Variants in KLHL42 observed in about 807,000 individuals in gnomAD.
The protein encoded by KLHL42 is kelch like family member 42.
In KLHL42, 27 loss-of-function variants were observed where a neutral mutation model predicts 32.7. That is an observed-to-expected ratio of 0.83 (90% CI 0.61 to 1.14). KLHL42 has a LOEUF of 1.14. Ranked by LOEUF, KLHL42 falls within the 50% of genes most tolerant of loss-of-function variation. The probability of loss-of-function intolerance (pLI) is 0.00; values close to 1 mark genes in which losing one functional copy is unlikely to be tolerated. For synonymous variants in KLHL42, 267 were observed against 248.2 expected (o/e 1.08, Z -0.71); for missense variants, 491 against 560.8 (o/e 0.88, Z 1.26).
chr12:27,797,490 G>C, intron 2 of KLHL42: 4 of 588,780 alleles, frequency 6.8e-6, no homozygotes, highest in Non-Finnish European at 1.2e-5. Flanking sequence ...TATCCAGTCT[G>C]AGTCTCCCAC....
At position 27,797,717 on chromosome 12, in the gene KLHL42, C is replaced by A. The variant is rs779004279; in HGVS notation, c.1069C>A (p.Arg357=). 1.5e-6 allele frequency: 1 copy of A among 687,398 alleles called. No individual in the cohort carries two copies. Among genetic ancestry groups the A allele is most frequent in the Non-Finnish European group, 2.7e-6 (1 of 375,820 alleles). 42.6% of individuals were successfully genotyped at this position (687,398 alleles called of 1,614,324 possible). The change falls in exon 3 of 3, where the codon CGG becomes AGG. Residue 357 remains arginine, a splice_region_variant and synonymous_variant. Transcript: ENST00000381271. Reference sequence around the variant, plus strand: ...TCACTTGTCTTTCTTTCTTTCAGACCGGAACATGAACATTTTGCAGTACTG... The same window carrying A: ...TCACTTGTCTTTCTTTCTTTCAGACAGGAACATGAACATTTTGCAGTACTG... The part of the protein sequence containing the change: ...YVIGGYTTRD[R]NMNILQYCPS...
intron 1 of KLHL42, among the ~76,000 whole-genome samples, chr12:27,782,008 A>C (rs1307596358): frequency 6.6e-6 from 1 of 152,244 alleles, no homozygotes; most frequent in Non-Finnish European, 1.5e-5. Flanking sequence ...AGATGGTAGG[A>C]AATAAAGATG....
chr12:27,791,741 A>T lies in KLHL42; in HGVS notation c.906A>T (p.Lys302Asn). ...TCAAACTTGTGGCTGTTAATTCAAAACTCTATGCCATCGGAGGGCAGGCCG... is the reference window on the plus strand; with the variant it reads ...TCAAACTTGTGGCTGTTAATTCAAATCTCTATGCCATCGGAGGGCAGGCCG... ...SNFKLVAVNSKLYAIGGQAVS... is the reference protein window; with the variant it reads ...SNFKLVAVNSNLYAIGGQAVS... The change falls in exon 2 of 3, where the codon AAA becomes AAT. Residue 302 changes from lysine to asparagine, a missense_variant. Physicochemically the swap from Lys to Asn is moderately conservative, Grantham distance 94 (BLOSUM62 0). Around this residue, in one of 4 missense-constraint regions of KLHL42, gnomAD observed 248 missense variants for 329.2 expected, o/e 0.75. Coordinates refer to ENST00000381271, the MANE Select transcript of KLHL42 (RefSeq NM_020782.2). 2 of 1,613,710 alleles carry T rather than the reference A, an allele frequency of 1.2e-6. No individual in the cohort carries two copies. The highest frequency in any genetic ancestry group is 1.7e-6 in the Non-Finnish European group (2 of 1,179,924).
At chr12:27,787,015 G>A (rs2062175236) in intron 1 of KLHL42, among the ~76,000 whole-genome samples, 1 of 151,678 alleles carries the variant, frequency 6.6e-6, no homozygotes, top group East Asian at 2.0e-4. Flanking sequence ...ATGAGCCACC[G>A]CGCCCGGCCA....
intron 1 of KLHL42, among the ~76,000 whole-genome samples, chr12:27,789,922 T>C (rs2062188883): frequency 6.6e-6 from 1 of 152,208 alleles, no homozygotes; most frequent in South Asian, 2.1e-4. Flanking sequence ...CATTTAGATA[T>C]AAACATGATA....
intron 1 of KLHL42, among the ~76,000 whole-genome samples, chr12:27,786,847 C>T (rs1013296319): frequency 5.9e-5 from 9 of 151,538 alleles, no homozygotes; most frequent in East Asian, 2.0e-4. Context: ...CTCAGCCTCC[C>T]GAGTAGCTAG....
intron 1 of KLHL42, among the ~76,000 whole-genome samples, chr12:27,784,386 C>A (rs2062162936): frequency 1.3e-5 from 2 of 151,826 alleles, no homozygotes; most frequent in Admixed American, 1.3e-4. Flanking sequence ...CGTGATCCGC[C>A]CACCTAGGCT....
At chr12:27,796,636 ACT>A (rs1491278571) in intron 2 of KLHL42, among the ~76,000 whole-genome samples, 10 of 152,028 alleles carry the variant, frequency 6.6e-5, no homozygotes, top group Non-Finnish European at 1.3e-4. Flanking sequence ...AAAGAAAATT[ACT>A]TTTTTTTTTG....
chr12:27,792,585 G>C (rs4930973), intron 2 of KLHL42, among the ~76,000 whole-genome samples: 1 of 152,066 alleles, frequency 6.6e-6, no homozygotes, highest in Non-Finnish European at 1.5e-5. Flanking sequence ...GTGCAGTGGC[G>C]TGATCTCGGC....
At chr12:27,787,585 C>T (rs1301871015) in intron 1 of KLHL42, 1 of 151,946 alleles carries the variant, frequency 6.6e-6, no homozygotes, top group Admixed American at 6.6e-5. Flanking sequence ...ACTGTTGCAG[C>T]AGTTGGTTCA....
chr12:27,781,228 G>A (rs201189833), intron 1 of KLHL42, 26 bp downstream of exon 1: 213 of 1,609,474 alleles, frequency 1.3e-4, no homozygotes, highest in Non-Finnish European at 1.7e-4. Flanking sequence ...GAGTGCTGCT[G>A]CCTTCTCATT....
intron 2 of KLHL42, among the ~76,000 whole-genome samples, chr12:27,795,500 T>A (rs1260623313): frequency 6.6e-6 from 1 of 152,192 alleles, no homozygotes; most frequent in Non-Finnish European, 1.5e-5. Flanking sequence ...GGCCGAAAAC[T>A]AGTTTTCTAA....
intron 1 of KLHL42, among the ~76,000 whole-genome samples, chr12:27,782,200 A>G (rs2062152394): frequency 1.3e-5 from 2 of 152,238 alleles, no homozygotes; most frequent in Admixed American, 1.3e-4. Context: ...GAAAGTCTTA[A>G]CAGTAACAGA....
chr12:27,788,707 C>T (rs549001507), intron 1 of KLHL42, among the ~76,000 whole-genome samples: 1 of 152,160 alleles, frequency 6.6e-6, no homozygotes, highest in East Asian at 1.9e-4. Flanking sequence ...AAAAAGCTCT[C>T]CTTTTAAAAA....
chr12:27,784,216 G>C (rs1053598520), intron 1 of KLHL42, among the ~76,000 whole-genome samples: 2 of 148,718 alleles, frequency 1.3e-5, no homozygotes, highest in African/African-American at 5.0e-5. Context: ...CTCACTGCAA[G>C]CTCCGCCTCC....
intron 2 of KLHL42, among the ~76,000 whole-genome samples, chr12:27,795,636 A>AAAAAAG (rs3841546): frequency 6.6e-6 from 1 of 151,846 alleles, no homozygotes; most frequent in Non-Finnish European, 1.5e-5. Flanking sequence ...GAAAAAAAGA[A>AAAAAAG]AAAGTTAGTT....
Position 27,797,852 on chromosome 12 carries a change from G to A in KLHL42, c.1204G>A (p.Glu402Lys). ...TIYIVGGCLH[E>K]LGPNRRSSQS... ...CTACATCGTGGGGGGGTGTCTCCAC[G>A]AGCTGGGGCCCAACCGCAGGAGCAG... Residue 402 changes from glutamate (E) to lysine (K), a missense_variant, in exon 3 of 3, where the codon GAG (glutamate) becomes AAG (lysine). By Grantham distance (56) the Glu-to-Lys change is moderately conservative. Around this residue, in one of 4 missense-constraint regions of KLHL42, gnomAD observed 152 missense variants for 125.9 expected, o/e 1.21. Coordinates refer to ENST00000381271, the MANE Select transcript of KLHL42 (RefSeq NM_020782.2). 1.3e-6 allele frequency: 1 copy of A among 779,702 alleles called. No individual in the cohort carries two copies. The highest frequency in any genetic ancestry group is 1.3e-5 in the South Asian group (1 of 74,608). The allele number at this position is 779,702 out of a possible 1,614,324, so 48.3% of individuals were successfully genotyped here.
Position 27,780,513 on chromosome 12 carries a change from C to A in KLHL42, c.183C>A (p.Gly61=). 1 of 1,541,300 alleles carries A rather than the reference C, an allele frequency of 6.5e-7. No individual in the cohort carries two copies. The highest frequency in any genetic ancestry group is 1.2e-5 in the South Asian group (1 of 82,614). Residue 61 remains glycine (G), a synonymous_variant, in exon 1 of 3, where the codon GGC becomes GGA. Coordinates refer to ENST00000381271, the MANE Select transcript of KLHL42 (RefSeq NM_020782.2). The surrounding 1 kb of genome is among the most constrained non-coding windows in gnomAD (Gnocchi z 8.8). ...VQQLRGLSAP[G]LRLVLDFINA... Reference sequence around the variant, plus strand: ...AGCTGCGCGGCCTCAGCGCGCCGGGCCTGCGGCTGGTGCTGGACTTCATCA... The same window carrying A: ...AGCTGCGCGGCCTCAGCGCGCCGGGACTGCGGCTGGTGCTGGACTTCATCA...
At chr12:27,795,494 G>A (rs1391002287) in intron 2 of KLHL42, among the ~76,000 whole-genome samples, 1 of 152,152 alleles carries the variant, frequency 6.6e-6, no homozygotes. Flanking sequence ...TGTAAGGGCC[G>A]AAAACTAGTT....
Sources: allele counts gnomAD v4.1 joint callset (sites outside exome capture counted in the v4.1 genomes callset), GRCh38; gene constraint gnomAD v4.1.1; regional missense constraint gnomAD v4.1.1; non-coding constraint Gnocchi (gnomAD v3.1); transcripts MANE v1.5; gene names NCBI Gene and HGNC (gene_info 2026-07-23, HGNC 2026-07-21).